The following PEAK1 variants were observed in gnomAD, a reference collection of about 807,000 sequenced individuals.
PEAK1 encodes the protein pseudopodium enriched atypical kinase 1, also known as inactive tyrosine-protein kinase PEAK1.
A neutral mutation model predicts 124.7 loss-of-function variants in PEAK1; 54 were observed. That is an observed-to-expected ratio of 0.43 (90% CI 0.35 to 0.54). The LOEUF is 0.54. Ranked by LOEUF, PEAK1 falls within the 20% of genes least tolerant of loss-of-function variation. The pLI is 0.01. For synonymous variants in PEAK1, 719 were observed against 760.0 expected (o/e 0.95, Z 0.89); for missense variants, 2,046 against 2,134.5 (o/e 0.96, Z 0.82).
intron 1 of PEAK1, chr15:77,401,759 G>C: frequency 1.0e-6 from 1 of 985,126 alleles, no homozygotes; most frequent in Non-Finnish European, 1.2e-6. Context: ...CTTTCTTAGA[G>C]AGCTTTTGCT....
chr15:77,366,018 A>G (rs2068212107), intron 1 of PEAK1, among the ~76,000 whole-genome samples: 1 of 152,202 alleles, frequency 6.6e-6, no homozygotes, highest in African/African-American at 2.4e-5. Flanking sequence ...AATGTTCTCT[A>G]CATTAGCAAA....
chr15:77,408,152 C>CATAT (rs112943224), intron 1 of PEAK1, among the ~76,000 whole-genome samples: 2 of 122,240 alleles, frequency 1.6e-5, no homozygotes, highest in South Asian at 2.4e-4. Flanking sequence ...CACATATATA[C>CATAT]ATACACACAC....
intron 2 of PEAK1, among the ~76,000 whole-genome samples, chr15:77,319,956 A>G (rs1322547151): frequency 2.0e-5 from 3 of 152,226 alleles, no homozygotes; most frequent in Non-Finnish European, 2.9e-5. Flanking sequence ...CAGAACCAAC[A>G]TGAGATTTTA....
intron 1 of PEAK1, among the ~76,000 whole-genome samples, chr15:77,365,465 C>T (rs1053030729): frequency 3.9e-5 from 6 of 152,166 alleles, no homozygotes; most frequent in Admixed American, 2.0e-4. Context: ...AGGCCGGGCA[C>T]GGCGGCTCAC....
chr15:77,356,046 A>T (rs547931130), intron 2 of PEAK1: 1 of 610,334 alleles, frequency 1.6e-6, no homozygotes, highest in African/African-American at 2.0e-5. Context: ...GCCCATGTGC[A>T]CACGACCTGG....
intron 6 of PEAK1, among the ~76,000 whole-genome samples, chr15:77,218,878 C>A (rs938422713): frequency 2.0e-5 from 3 of 152,056 alleles, no homozygotes; most frequent in African/African-American, 7.2e-5. Flanking sequence ...TTCCTGGTTG[C>A]AAATGAGTGT....
rs546377742 is a variant in PEAK1 at position 77,228,468 on chromosome 15, C to A, written c.-115+23899G>T. ...AGGACTTCATTTAATAAAGTTTGAC[C>A]TGCAAGGGCCCTTAATGTTGCCTGG... On this transcript the variant is annotated intron_variant, in intron 6 of 9. Coordinates refer to ENST00000682557, the MANE Select transcript of PEAK1 (RefSeq NM_001385026.1). Among the ~76,000 whole-genome samples the A allele has an allele frequency of 1.5e-3, 232 of 152,208 alleles. 1 individual carries two copies. The highest frequency in any genetic ancestry group is 2.7e-3 in the Non-Finnish European group (181 of 68,010).
intron 7 of PEAK1, among the ~76,000 whole-genome samples, chr15:77,162,906 C>G (rs2055785922): frequency 6.6e-6 from 1 of 152,028 alleles, no homozygotes; most frequent in African/African-American, 2.4e-5. Flanking sequence ...AAATAATGAC[C>G]AGTGTATCTA....
chr15:77,296,617 AAAAT>A (rs772629004), intron 2 of PEAK1, among the ~76,000 whole-genome samples: 1 of 151,734 alleles, frequency 6.6e-6, no homozygotes, highest in Non-Finnish European at 1.5e-5. Context: ...CTGTCTCAAA[AAAAT>A]AAATAAATAA....
At chr15:77,186,993 T>C (rs752215556) in intron 6 of PEAK1, among the ~76,000 whole-genome samples, 3 of 152,166 alleles carry the variant, frequency 2.0e-5, no homozygotes, top group Non-Finnish European at 4.4e-5. Context: ...AAGAAATGTG[T>C]CTCCTGAGGC....
chr15:77,219,332 A>G (rs2059284011), intron 6 of PEAK1, among the ~76,000 whole-genome samples: 1 of 152,146 alleles, frequency 6.6e-6, no homozygotes, highest in Admixed American at 6.6e-5. Context: ...TCACAAAAAG[A>G]TAAGATTTTT....
chr15:77,205,291 G>A (rs1353112466), intron 6 of PEAK1, among the ~76,000 whole-genome samples: 5 of 145,352 alleles, frequency 3.4e-5, no homozygotes, highest in Non-Finnish European at 6.0e-5. Flanking sequence ...AAAAAAAAAA[G>A]AAGTTAAATA....
chr15:77,202,882 CA>C (rs2058436738), intron 6 of PEAK1, among the ~76,000 whole-genome samples: 1 of 151,244 alleles, frequency 6.6e-6, no homozygotes. Context: ...ACCAAAAATA[CA>C]AAAATTACCT....
At chr15:77,171,507 G>C (rs1298711484) in intron 7 of PEAK1, among the ~76,000 whole-genome samples, 2 of 152,096 alleles carry the variant, frequency 1.3e-5, no homozygotes, top group African/African-American at 2.4e-5. Context: ...AAGTAGAAGA[G>C]AGAATACGAT....
intron 2 of PEAK1, among the ~76,000 whole-genome samples, chr15:77,288,060 T>C (rs767450625): frequency 3.3e-5 from 5 of 152,192 alleles, no homozygotes; most frequent in Admixed American, 6.5e-5. Context: ...ATTTACATAC[T>C]TCTGCCAACA....
intron 6 of PEAK1, among the ~76,000 whole-genome samples, chr15:77,207,266 A>G (rs1567115330): frequency 6.6e-6 from 1 of 152,222 alleles, no homozygotes; most frequent in Non-Finnish European, 1.5e-5. Context: ...TAACTTTAAA[A>G]AAGAACTGCA....
intron 1 of PEAK1, among the ~76,000 whole-genome samples, chr15:77,375,543 C>A (rs754810117): frequency 9.2e-5 from 14 of 152,204 alleles, no homozygotes; most frequent in Non-Finnish European, 1.9e-4. Flanking sequence ...AATTACACTT[C>A]TGACCCTGAT....
chr15:77,205,265 T>TA, intron 6 of PEAK1, among the ~76,000 whole-genome samples: 1 of 147,014 alleles, frequency 6.8e-6, no homozygotes, highest in African/African-American at 2.5e-5. Context: ...TAAGATCAAA[T>TA]GCCTTTTTTT....
chr15:77,278,442 T>C (rs1031784631), intron 5 of PEAK1: 6 of 441,238 alleles, frequency 1.4e-5, no homozygotes, highest in African/African-American at 1.0e-4. Flanking sequence ...AACGCACCTA[T>C]GTCCTACCAC....
Sources: gnomAD v4.1 joint callset for allele counts (sites outside exome capture counted in the v4.1 genomes callset) on GRCh38, gnomAD v4.1.1 for gene constraint, MANE v1.5 for transcripts, NCBI Gene and HGNC (gene_info 2026-07-23, HGNC 2026-07-21) for gene names.